Variants in SLC24A2 observed in about 807,000 individuals in gnomAD.
The protein encoded by SLC24A2 is solute carrier family 24 member 2, also known as sodium/potassium/calcium exchanger 2.
A neutral mutation model predicts 62.0 loss-of-function variants in SLC24A2; 36 were observed. That is an observed-to-expected ratio of 0.58 (90% CI 0.44 to 0.77). The LOEUF (loss-of-function observed/expected upper bound fraction) is 0.77, where lower values mean the gene tolerates loss of function less well. Ranked by LOEUF, SLC24A2 falls within the 30% of genes least tolerant of loss-of-function variation. The pLI, the probability that SLC24A2 is intolerant of heterozygous loss-of-function variation, is 0.00. For missense variants in SLC24A2, 846 were observed against 817.9 expected (o/e 1.03, Z -0.42); for synonymous variants, 358 against 294.0 (o/e 1.22, Z -2.23).
intron 7 of SLC24A2, among the ~76,000 whole-genome samples, chr9:19,551,925 G>A (rs1300606418): frequency 6.6e-6 from 1 of 152,170 alleles, no homozygotes; most frequent in African/African-American, 2.4e-5. Context: ...ATATTGAAAA[G>A]GGTTAGTAAC....
At position 19,599,535 on chromosome 9, in the gene SLC24A2, A is replaced by G. The variant is rs1836789953; in HGVS notation, c.1079-2256T>C. The stretch of plus-strand genomic sequence containing the variant: ...GAAGAAAAGTCAGAAAAGAATGGAG[A>G]TGGAAACCAGCCTGCTAGAATACGG... On this transcript the variant is annotated intron_variant, in intron 4 of 10. Coordinates refer to ENST00000341998, the MANE Select transcript of SLC24A2 (RefSeq NM_020344.4). The surrounding 1 kb of genome is among the most constrained non-coding windows in gnomAD (Gnocchi z 4.5). Among the ~76,000 whole-genome samples, 1 of 152,172 alleles carries G rather than the reference A, an allele frequency of 6.6e-6. No homozygotes were observed. Among genetic ancestry groups the G allele is most frequent in the Admixed American group, 6.5e-5 (1 of 15,276 alleles).
At chr9:20,115,597 C>T in the SLC24A2 span, among the ~76,000 whole-genome samples, 1 of 152,238 alleles carries the variant, frequency 6.6e-6, no homozygotes, top group East Asian at 1.9e-4. Flanking sequence ...ATGAACACGT[C>T]AAACTTGATT....
the SLC24A2 span, among the ~76,000 whole-genome samples, chr9:20,265,721 G>C: frequency 3.3e-5 from 5 of 152,166 alleles, no homozygotes; most frequent in South Asian, 1.0e-3. Context: ...GGGAACAAGA[G>C]AGATAACCTT....
At chr9:19,679,281 T>C (rs1587140615) in intron 2 of SLC24A2, among the ~76,000 whole-genome samples, 1 of 152,198 alleles carries the variant, frequency 6.6e-6, no homozygotes. Context: ...GGTTTATTTC[T>C]ATTACTTCCT....
At chr9:19,885,283 G>A in the SLC24A2 span, among the ~76,000 whole-genome samples, 3 of 152,146 alleles carry the variant, frequency 2.0e-5, no homozygotes, top group African/African-American at 7.2e-5. Flanking sequence ...ATTATAGTAA[G>A]GAAGAACAGT....
At chr9:19,926,757 C>G in the SLC24A2 span, 2 of 152,232 alleles carry the variant, frequency 1.3e-5, no homozygotes, top group Admixed American at 1.3e-4. Context: ...CTGTATGCAC[C>G]CGGGAAAAAA....
At chr9:20,085,769 A>T in the SLC24A2 span, among the ~76,000 whole-genome samples, 6 of 152,276 alleles carry the variant, frequency 3.9e-5, no homozygotes, top group Non-Finnish European at 8.8e-5. Context: ...AGTTTCCAAA[A>T]TTTTTTCAAA....
At chr9:20,070,681 A>T in the SLC24A2 span, among the ~76,000 whole-genome samples, 2 of 152,246 alleles carry the variant, frequency 1.3e-5, no homozygotes, top group African/African-American at 2.4e-5. Flanking sequence ...ATGCAAGATC[A>T]TTAGGATAAC....
the SLC24A2 span, among the ~76,000 whole-genome samples, chr9:20,289,569 T>G: frequency 2.0e-5 from 3 of 152,188 alleles, no homozygotes; most frequent in Non-Finnish European, 4.4e-5. Context: ...ATAGTACCAC[T>G]TTGTGGAATT....
At chr9:19,788,638 C>A in intron 1 of SLC24A2, 1 of 985,438 alleles carries the variant, frequency 1.0e-6, no homozygotes, top group Non-Finnish European at 1.2e-6. Context: ...GCGTCTCCCC[C>A]GACGGCAGGC....
the SLC24A2 span, among the ~76,000 whole-genome samples, chr9:20,157,756 A>T: frequency 4.0e-5 from 6 of 151,642 alleles, no homozygotes; most frequent in Non-Finnish European, 7.4e-5. Flanking sequence ...ATATAAAATT[A>T]TTAATCCTAC....
At chr9:19,623,822 C>G (rs1817968123) in intron 2 of SLC24A2, among the ~76,000 whole-genome samples, 2 of 152,124 alleles carry the variant, frequency 1.3e-5, no homozygotes, top group African/African-American at 4.8e-5. Context: ...TTTATAGGCT[C>G]TTGAAGAACT....
chr9:20,293,529 C>T, the SLC24A2 span, among the ~76,000 whole-genome samples: 3 of 152,168 alleles, frequency 2.0e-5, no homozygotes, highest in Admixed American at 6.5e-5. Context: ...TGGATCCTCC[C>T]CTACCTTGAG....
At chr9:20,273,055 A>G in the SLC24A2 span, among the ~76,000 whole-genome samples, 14,540 of 152,250 alleles carry the variant, frequency 0.096, 733 homozygotes, top group Middle Eastern at 0.12. Flanking sequence ...AGTGACTTCC[A>G]CAGTGTGAGG....
At chr9:19,789,117 G>C (rs893092796), upstream of SLC24A2, among the ~76,000 whole-genome samples, 1 of 152,204 alleles carries the variant, frequency 6.6e-6, no homozygotes, top group East Asian at 1.9e-4. Flanking sequence ...TGCGCTGTGC[G>C]CTGGGAGCGG....
intron 5 of SLC24A2, among the ~76,000 whole-genome samples, chr9:19,592,493 CCCACCTACCTACCT>C (rs1836584909): frequency 1.4e-4 from 1 of 6,928 alleles, no homozygotes; most frequent in South Asian, 4.5e-3. Flanking sequence ...TACCTACCTA[CCCACCTACCTACCT>C]ACCTACCTAC....
the SLC24A2 span, among the ~76,000 whole-genome samples, chr9:19,837,899 C>G: frequency 6.6e-6 from 1 of 151,998 alleles, no homozygotes; most frequent in African/African-American, 2.4e-5. Context: ...CTACAAACCA[C>G]TGCTCAATGA....
chr9:20,085,642 G>A, the SLC24A2 span, among the ~76,000 whole-genome samples: 1 of 152,140 alleles, frequency 6.6e-6, no homozygotes, highest in African/African-American at 2.4e-5. Context: ...CACTGTTACA[G>A]CTAGTAAATG....
At chr9:20,079,411 G>C in the SLC24A2 span, among the ~76,000 whole-genome samples, 1 of 151,900 alleles carries the variant, frequency 6.6e-6, no homozygotes, top group Non-Finnish European at 1.5e-5. Context: ...GCAATTTTCT[G>C]TGCAAATATA....
Sources: allele counts gnomAD v4.1 joint callset (sites outside exome capture counted in the v4.1 genomes callset), GRCh38; gene constraint gnomAD v4.1.1; non-coding constraint Gnocchi (gnomAD v3.1); transcripts MANE v1.5; gene names NCBI Gene and HGNC (gene_info 2026-07-23, HGNC 2026-07-21).